ADAMTS13: variants seen among roughly 807,000 people sequenced by gnomAD.
The protein encoded by ADAMTS13 is ADAM metallopeptidase with thrombospondin type 1 motif 13, also known as A disintegrin and metalloproteinase with thrombospondin motifs 13.
Under a neutral mutation model 155.1 loss-of-function variants are expected in ADAMTS13, and 110 were observed. That is an observed-to-expected ratio of 0.71 (90% CI 0.61 to 0.83). The LOEUF is 0.83. Ranked by LOEUF, ADAMTS13 falls within the 40% of genes least tolerant of loss-of-function variation. ADAMTS13 has a pLI of 0.00. For missense variants in ADAMTS13, 1,707 were observed against 1,891.7 expected, an observed-to-expected ratio of 0.90 and a Z score of 1.81; for synonymous variants, 758 against 756.4, an observed-to-expected ratio of 1.00 and a Z score of -0.03.
intron 23 of ADAMTS13, 72 bp downstream of exon 23, chr9:133,450,037 C>A: frequency 6.6e-7 from 1 of 1,504,836 alleles, no homozygotes; most frequent in Non-Finnish European, 8.9e-7. Context: ...GTGGTGTGTG[C>A]CTGTAATCGC....
In ADAMTS13 at chr9:133,456,878, G is replaced by A. The variant is rs36222901; in HGVS notation, c.3724+159G>A. ...AACTGGGGTTGGCCAGTGTCAGTCT[G>A]CACGTGCCAGGGAGGGGTCACAGGA... is the stretch of plus-strand genomic sequence containing the variant. On this transcript the variant is annotated intron_variant, in intron 27 of 28. Coordinates refer to ENST00000355699, the MANE Select transcript of ADAMTS13 (RefSeq NM_139027.6). This position sits in a 1 kb window ranked among gnomAD's most constrained non-coding sequence, Gnocchi z 4.4. The A allele has an allele frequency of 4.3e-6, 4 of 924,166 alleles. No homozygotes were observed. Among genetic ancestry groups the A allele is most frequent in the Non-Finnish European group, 5.1e-6 (3 of 588,112 alleles). 57.2% of individuals were successfully genotyped at this position (924,166 alleles called of 1,614,324 possible). A position where few individuals can be genotyped will look rare whatever the true frequency, so the allele number is the denominator to read the frequency against.
intron 19 of ADAMTS13, 23 bp downstream of exon 19, chr9:133,443,584 C>A (rs1841847406): frequency 6.6e-7 from 1 of 1,524,692 alleles, no homozygotes; most frequent in South Asian, 1.2e-5. Context: ...CTAGGTGGGG[C>A]TGGGAGAGGG....
chr9:133,433,115 G>A (rs961962327), intron 9 of ADAMTS13, among the ~76,000 whole-genome samples: 13 of 143,630 alleles, frequency 9.1e-5, no homozygotes, highest in Admixed American at 4.2e-4. Context: ...GGGGTCTCTG[G>A]GTGTTGGAGG....
chr9:133,450,565 CA>C (rs924514326), intron 23 of ADAMTS13, among the ~76,000 whole-genome samples: 1,390 of 74,806 alleles, frequency 0.019, 13 homozygotes, highest in African/African-American at 0.051. Context: ...AACTCCATCT[CA>C]AAAAAAAAAA....
chr9:133,438,199 C>T, intron 13 of ADAMTS13, 47 bp from the exon 14 acceptor site: 1 of 1,613,870 alleles, frequency 6.2e-7, no homozygotes, highest in Admixed American at 1.7e-5. Flanking sequence ...GTCATTGAGG[C>T]CAGCACCCTC....
At chr9:133,433,898 C>T (rs941884738) in intron 11 of ADAMTS13, among the ~76,000 whole-genome samples, 194 bp downstream of exon 11, 1 of 152,114 alleles carries the variant, frequency 6.6e-6, no homozygotes, top group Admixed American at 6.5e-5. Context: ...GGGTTCAAGA[C>T]CAGCCTGGCC....
chr9:133,438,761 A>G (rs1432195339), intron 14 of ADAMTS13, among the ~76,000 whole-genome samples: 1 of 151,986 alleles, frequency 6.6e-6, no homozygotes, highest in Non-Finnish European at 1.5e-5. Flanking sequence ...TAAAAATACA[A>G]AAATTAGCTG....
chr9:133,428,749 C>T lies in ADAMTS13; in HGVS notation c.802C>T (p.Arg268Trp). 2.2e-6 allele frequency: 3 copies of T among 1,357,112 alleles called. No homozygotes were observed. The highest frequency in any genetic ancestry group is 2.9e-6 in the Non-Finnish European group (3 of 1,051,496). The allele number at this position is 1,357,112 out of a possible 1,614,324, so 84.1% of individuals were successfully genotyped here. Residue 268 changes from arginine (R) to tryptophan (W), a missense_variant, in exon 7 of 29, where the codon CGG (arginine) becomes TGG (tryptophan). Physicochemically the swap from Arg to Trp is moderately radical, Grantham distance 101 (BLOSUM62 -3). Around this residue, in one of 3 missense-constraint regions of ADAMTS13, gnomAD observed 733 missense variants for 749.6 expected, o/e 0.98. Transcript: ENST00000355699. ...CCTCGCCTGGTCCCCCTGCAGCCGC[C>T]GGCAGCTGCTGAGCCTGCTCAGGTA... ...AGLAWSPCSR[R>W]QLLSLLSAGR...
At chr9:133,454,944 T>G (rs1473726461) in intron 24 of ADAMTS13, among the ~76,000 whole-genome samples, 1 of 152,132 alleles carries the variant, frequency 6.6e-6, no homozygotes, top group Non-Finnish European at 1.5e-5. Context: ...GGGTTCAGGC[T>G]GCCCCCTGGA....
rs4962049 is a variant in ADAMTS13 at position 133,445,114 on chromosome 9, G to A, written c.2610+62G>A. 2,183 of 1,556,518 alleles carry A rather than the reference G, an allele frequency of 1.4e-3. 26 individuals carry two copies. The East Asian group carries it at 0.026, about 18-fold the overall frequency. ...GAGTCCTTTACCTGGCTGGGAGAAC[G>A]AGGAGCACCCATTGCCACCGTCCTC... On this transcript the variant is annotated intron_variant, in intron 20 of 28. Transcript: ENST00000355699. The surrounding 1 kb of genome is among the most constrained non-coding windows in gnomAD (Gnocchi z 5.0).
At position 133,422,375 on chromosome 9, in the gene ADAMTS13, C is replaced by A; in HGVS notation, c.-69C>A. Reference sequence around the variant, plus strand: ...GTGAGCAGGCCTGTCCCATTCCATACTGACCAGATTCCCAGTCACCAAGGC... The same window carrying A: ...GTGAGCAGGCCTGTCCCATTCCATAATGACCAGATTCCCAGTCACCAAGGC... On this transcript the variant is annotated 5_prime_UTR_variant, in exon 1 of 29. In the 5' UTR this introduces an upstream ATG that the reference lacks. Coordinates refer to ENST00000355699, the MANE Select transcript of ADAMTS13 (RefSeq NM_139027.6). 1 of 1,403,138 alleles carries A rather than the reference C, an allele frequency of 7.1e-7. No homozygotes were observed. Among genetic ancestry groups the A allele is most frequent in the East Asian group, 2.3e-5 (1 of 43,942 alleles). The allele number at this position is 1,403,138 out of a possible 1,614,324, so 86.9% of individuals were successfully genotyped here.
rs368018318 is a variant in ADAMTS13, at chr9:133,442,419, G to A, written c.1989G>A (p.Glu663=). The A allele has an allele frequency of 4.3e-6, 7 of 1,613,816 alleles. No homozygotes were observed. Among genetic ancestry groups the A allele is most frequent in the Non-Finnish European group, 5.9e-6 (7 of 1,180,050 alleles). The change falls in exon 17 of 29, where the codon GAG becomes GAA. Residue 663 remains glutamate (E), a synonymous_variant. Coordinates refer to ENST00000355699, the MANE Select transcript of ADAMTS13 (RefSeq NM_139027.6). ...TGCAGGTTTACAGGCGGTATGGCGA[G>A]GAGTATGGCAACCTCACCCGCCCAG... The part of the protein sequence containing the change: ...ADIQVYRRYG[E]EYGNLTRPDI...
In ADAMTS13 at chr9:133,423,546, T is replaced by G. The variant is rs587748912; in HGVS notation, c.172+379T>G. 2.4e-4 allele frequency among the ~76,000 whole-genome samples: 36 copies of G among 152,298 alleles called. No individual in the cohort carries two copies. In the South Asian group the frequency reaches 7.3e-3, roughly 31 times the overall value. ...AAGATAGGTACTGGCTCAGGCTACC[T>G]CCTAAGGCCATGGATTTCCTTATGA... On this transcript the variant is annotated intron_variant, in intron 2 of 28. Coordinates refer to ENST00000355699, the MANE Select transcript of ADAMTS13 (RefSeq NM_139027.6).
Position 133,455,450 on chromosome 9 carries a change from G to C in ADAMTS13, c.3400+15G>C. On this transcript the variant is annotated intron_variant, in intron 25 of 28. Transcript: ENST00000355699. ...TGTGGGACAGGGTACGCCCAGCCTG[G>C]TGCCCCACGAAGAAGCCGCTGCTCC... is the stretch of plus-strand genomic sequence containing the variant. 6.2e-7 allele frequency: 1 copy of C among 1,612,498 alleles called. No individual in the cohort carries two copies. Among genetic ancestry groups the C allele is most frequent in the Non-Finnish European group, 8.5e-7 (1 of 1,179,852 alleles).
chr9:133,457,938 G>A lies in ADAMTS13; in HGVS notation c.3753G>A (p.Trp1251Ter). The A allele has an allele frequency of 6.2e-7, 1 of 1,613,850 alleles. No individual in the cohort carries two copies. Among genetic ancestry groups the A allele is most frequent in the Non-Finnish European group, 8.5e-7 (1 of 1,180,038 alleles). ...RECDMQLFGPWGEIVSPSLSP... is the reference protein window; with the variant it reads ...RECDMQLFGP ...GTGACATGCAGCTCTTTGGGCCCTG[G>A]GGTGAAATCGTGAGCCCCTCGCTGA... The change falls in exon 28 of 29, where the codon TGG (tryptophan) becomes TGA (stop). Residue 1251 changes from tryptophan (W) to a stop codon, truncating the protein, a stop_gained. Transcript: ENST00000355699. LOFTEE classifies it high-confidence loss of function.
chr9:133,433,967 G>C (rs1564418904), intron 11 of ADAMTS13, among the ~76,000 whole-genome samples: 1 of 151,952 alleles, frequency 6.6e-6, no homozygotes, highest in Non-Finnish European at 1.5e-5. Context: ...GTGGTGGTGG[G>C]CGCCTGTAGT....
chr9:133,453,322 G>A (rs587774894), intron 23 of ADAMTS13, among the ~76,000 whole-genome samples: 40 of 152,246 alleles, frequency 2.6e-4, no homozygotes, highest in African/African-American at 9.4e-4. Context: ...TGTAGTCCCA[G>A]CTACTTGGGA....
chr9:133,442,771 C>T (rs781918000), intron 18 of ADAMTS13, 28 bp downstream of exon 18: 1 of 1,607,332 alleles, frequency 6.2e-7, no homozygotes, highest in Non-Finnish European at 8.5e-7. Flanking sequence ...TGCGCAGCTC[C>T]AAGGGGGAGA....
At chr9:133,444,788 G>C (rs187036328) in intron 19 of ADAMTS13, 75 bp from the exon 20 acceptor site, 5 of 1,504,774 alleles carry the variant, frequency 3.3e-6, no homozygotes, top group Non-Finnish European at 4.5e-6. Flanking sequence ...CTTCCTCCCT[G>C]CCCCTAGCAG....
Sources: allele counts gnomAD v4.1 joint callset (sites outside exome capture counted in the v4.1 genomes callset), GRCh38; gene constraint gnomAD v4.1.1; regional missense constraint gnomAD v4.1.1; non-coding constraint Gnocchi (gnomAD v3.1); transcripts MANE v1.5; gene names NCBI Gene and HGNC (gene_info 2026-07-23, HGNC 2026-07-21).